Variants in BRD9 observed in about 807,000 individuals in gnomAD.
BRD9 encodes bromodomain containing 9.
In BRD9, 47 loss-of-function variants were observed where a neutral mutation model predicts 68.7. That is an observed-to-expected ratio of 0.68 (90% CI 0.54 to 0.87). The LOEUF is 0.87. BRD9 is among the 40% of genes least tolerant of loss of function. The probability of loss-of-function intolerance (pLI) is 0.00; values close to 1 mark genes in which losing one functional copy is unlikely to be tolerated. For missense variants in BRD9, 670 were observed against 748.4 expected (o/e 0.90, Z 1.22); for synonymous variants, 313 against 293.9 (o/e 1.06, Z -0.67).
intron 11 of BRD9, among the ~76,000 whole-genome samples, chr5:877,448 T>C (rs1156672110): frequency 6.6e-6 from 1 of 152,286 alleles, no homozygotes; most frequent in Non-Finnish European, 1.5e-5. Context: ...AAGGGGATTC[T>C]TGTTTATTTT....
Position 887,406 on chromosome 5 carries a change from C to T in BRD9, c.672G>A (p.Lys224=), listed in dbSNP as rs1464202552. 2 of 1,614,040 alleles carry T rather than the reference C, an allele frequency of 1.2e-6. No homozygotes were observed. Among genetic ancestry groups the T allele is most frequent in the Non-Finnish European group, 1.7e-6 (2 of 1,180,010 alleles). The change falls in exon 6 of 16, where the codon AAG becomes AAA. Residue 224 remains lysine, a synonymous_variant. Coordinates refer to ENST00000467963, the MANE Select transcript of BRD9 (RefSeq NM_023924.5). ...TYNRPDTVYY[K]LAKKILHAGF... is the part of the protein sequence containing the mutation. ...CTGCGTGAAGGATCTTCTTCGCCAA[C>T]TTGTAGTACACGGTATCTGGCCTAT...
chr5:872,253 A>T (rs968849315), intron 12 of BRD9, among the ~76,000 whole-genome samples: 2 of 152,166 alleles, frequency 1.3e-5, no homozygotes, highest in African/African-American at 4.8e-5. Flanking sequence ...AATGACATCG[A>T]TTTTCACAAG....
chr5:883,221 C>A, intron 8 of BRD9: 1 of 425,900 alleles, frequency 2.3e-6, no homozygotes. Flanking sequence ...TACATCCCAT[C>A]CCATGTGCAT....
intron 2 of BRD9, 132 bp downstream of exon 2, chr5:891,508 C>A: frequency 7.1e-7 from 1 of 1,400,220 alleles, no homozygotes. Context: ...CTCAGCGGTT[C>A]GCGTTTTGCT....
chr5:871,936 T>C (rs1288036101), intron 12 of BRD9, among the ~76,000 whole-genome samples: 1 of 152,254 alleles, frequency 6.6e-6, no homozygotes, highest in South Asian at 2.1e-4. Context: ...GTCTCGTGGG[T>C]TCCACCTGGA....
Position 891,669 on chromosome 5 carries a change from G to C in BRD9, c.238C>G (p.Leu80Val), listed in dbSNP as rs750631610. ...KKKKSEKEKH[L>V]DDEERRKRKE... is the part of the protein sequence containing the mutation. ...CGCTTCCTTCTTTCCTCATCGTCCA[G>C]ATGCTTCTCCTTCTCGGACTTCTTC... The change falls in exon 2 of 16, where the codon CTG becomes GTG. Residue 80 changes from leucine to valine, a missense_variant. Transcript: ENST00000467963. The C allele has an allele frequency of 1.4e-5, 22 of 1,551,424 alleles. No homozygotes were observed. Among genetic ancestry groups the C allele is most frequent in the Admixed American group, 5.9e-5 (3 of 50,978 alleles).
At chr5:866,655 AGACT>A (rs1392747314) in intron 14 of BRD9, among the ~76,000 whole-genome samples, 1 of 152,158 alleles carries the variant, frequency 6.6e-6, no homozygotes, top group East Asian at 1.9e-4. Flanking sequence ...TCTTTAGGAG[AGACT>A]GACAGCACTG....
intron 12 of BRD9, 64 bp downstream of exon 12, chr5:876,037 G>A: frequency 8.6e-7 from 1 of 1,163,124 alleles, no homozygotes; most frequent in Non-Finnish European, 1.3e-6. Flanking sequence ...CAGGCTGCAG[G>A]CTCTTCCCGC....
At chr5:887,631 G>T (rs1752758533) in intron 5 of BRD9, among the ~76,000 whole-genome samples, 160 bp from the exon 6 acceptor site, 1 of 152,210 alleles carries the variant, frequency 6.6e-6, no homozygotes, top group South Asian at 2.1e-4. Flanking sequence ...GAACTTAAGA[G>T]AAGTTTTCTT....
intron 12 of BRD9, among the ~76,000 whole-genome samples, chr5:872,620 G>A (rs1441172606): frequency 6.6e-6 from 1 of 152,180 alleles, no homozygotes; most frequent in African/African-American, 2.4e-5. Flanking sequence ...TCTGCAGAGG[G>A]GGCTGCTCCT....
At chr5:867,955 G>T (rs1206833613) in intron 14 of BRD9, among the ~76,000 whole-genome samples, 4 of 152,218 alleles carry the variant, frequency 2.6e-5, no homozygotes, top group Non-Finnish European at 5.9e-5. Context: ...GGGGCAGAAT[G>T]ATACAGTTTG....
At chr5:871,452 C>A in intron 13 of BRD9, 74 bp downstream of exon 13, 1 of 1,377,102 alleles carries the variant, frequency 7.3e-7, no homozygotes, top group South Asian at 1.2e-5. Context: ...ACAGACCTCC[C>A]CACCTCAAAG....
Position 892,683 on chromosome 5 carries a change from CG to C in BRD9, c.-27del. ...GGCGGCGCCGGCGGCGGGCCCGAGG[CG>C]GGGGCTGGGAACAGCTGGCACCCGG... On this transcript the variant is annotated 5_prime_UTR_variant, in exon 1 of 16. Coordinates refer to ENST00000467963, the MANE Select transcript of BRD9 (RefSeq NM_023924.5). 7.2e-7 allele frequency: 1 copy of C among 1,395,868 alleles called. No homozygotes were observed. The allele number at this position is 1,395,868 out of a possible 1,614,324, so 86.5% of individuals were successfully genotyped here. A position where few individuals can be genotyped will look rare whatever the true frequency, so the allele number is the denominator to read the frequency against.
At chr5:871,061 C>T (rs1420824655) in intron 13 of BRD9, among the ~76,000 whole-genome samples, 1 of 152,232 alleles carries the variant, frequency 6.6e-6, no homozygotes. Context: ...GGGGTCTCTC[C>T]AGGTTCCCAG....
At chr5:880,390 T>C (rs1352584054) in intron 9 of BRD9, among the ~76,000 whole-genome samples, 2 of 146,526 alleles carry the variant, frequency 1.4e-5, no homozygotes, top group Admixed American at 6.7e-5. Flanking sequence ...TCCATCCTCT[T>C]TAGGAAAATA....
Position 886,597 on chromosome 5 carries a change from A to G in BRD9, c.828T>C (p.Val276=). ...AKKSKKPSRE[V]ISCMFEPEGN... Reference sequence around the variant, plus strand: ...GGTTTCCACAGAACCTTTACCTGATAACTTCTCTACTCGGCTTTTTGGATT... The same window carrying G: ...GGTTTCCACAGAACCTTTACCTGATGACTTCTCTACTCGGCTTTTTGGATT... The change falls in exon 7 of 16, where the codon GTT becomes GTC. Residue 276 remains valine (V), a synonymous_variant. Transcript: ENST00000467963. 2 of 1,613,490 alleles carry G rather than the reference A, an allele frequency of 1.2e-6. No individual in the cohort carries two copies. Among genetic ancestry groups the G allele is most frequent in the Non-Finnish European group, 1.7e-6 (2 of 1,179,690 alleles).
intron 8 of BRD9, chr5:883,429 G>A (rs778102687): frequency 2.9e-4 from 132 of 456,898 alleles, no homozygotes; most frequent in Non-Finnish European, 4.3e-4. Flanking sequence ...TTCCACTGAA[G>A]ACACTGGGTC....
intron 12 of BRD9, among the ~76,000 whole-genome samples, chr5:872,479 T>C (rs370868502): frequency 1.3e-4 from 20 of 152,154 alleles, no homozygotes; most frequent in African/African-American, 4.6e-4. Context: ...TCACTTTCCC[T>C]ACCCCACAGC....
rs758370497 is a variant in BRD9 at position 878,449 on chromosome 5, G to A, written c.1177C>T (p.Gln393Ter). The A allele has an allele frequency of 5.0e-6, 8 of 1,614,162 alleles. No individual in the cohort carries two copies. The highest frequency in any genetic ancestry group is 6.8e-6 in the Non-Finnish European group (8 of 1,180,068). ...LSSATTALSM[Q>*]NNSVFGDLKS... ...AAGTCGCCAAATACTGAATTATTCTGCATCGAAAGCGCAGTAGTGGCACTG... is the reference window on the plus strand; with the variant it reads ...AAGTCGCCAAATACTGAATTATTCTACATCGAAAGCGCAGTAGTGGCACTG... Residue 393 changes from glutamine (Q) to a stop codon, truncating the protein, a stop_gained, in exon 11 of 16, where the codon CAG becomes TAG. Coordinates refer to ENST00000467963, the MANE Select transcript of BRD9 (RefSeq NM_023924.5). LOFTEE classifies it high-confidence loss of function.
Sources: allele counts gnomAD v4.1 joint callset (sites outside exome capture counted in the v4.1 genomes callset), GRCh38; gene constraint gnomAD v4.1.1; transcripts MANE v1.5; gene names NCBI Gene and HGNC (gene_info 2026-07-23, HGNC 2026-07-21).